The following EFCAB8 variants were observed in gnomAD, a reference collection of about 807,000 sequenced individuals.
EFCAB8 encodes EF-hand calcium-binding domain-containing protein 8.
EFCAB8 carries 100 observed loss-of-function variants against 116.3 expected under a neutral mutation model. The observed-to-expected ratio is 0.86, with a 90% CI of 0.73 to 1.02. The LOEUF is 1.02. Among genes scored for constraint, EFCAB8 ranks in the 50% least tolerant of loss-of-function variants. The probability of loss-of-function intolerance (pLI) is 0.00; values close to 1 mark genes in which losing one functional copy is unlikely to be tolerated. For synonymous variants in EFCAB8, 558 were observed against 567.9 expected (o/e 0.98, Z 0.25); for missense variants, 1,320 against 1,416.9 (o/e 0.93, Z 1.10).
intron 20 of EFCAB8, among the ~76,000 whole-genome samples, chr20:32,929,625 A>C (rs993936980): frequency 6.6e-6 from 1 of 151,298 alleles, no homozygotes; most frequent in East Asian, 1.9e-4. Context: ...TACAGGTATG[A>C]GCCACCATGA....
intron 15 of EFCAB8, among the ~76,000 whole-genome samples, chr20:32,911,208 A>G (rs958092578): frequency 6.6e-6 from 1 of 152,026 alleles, no homozygotes; most frequent in Non-Finnish European, 1.5e-5. Flanking sequence ...TCTTTTCCAT[A>G]TAGGGATTAT....
At chr20:32,946,555 A>AT (rs1051340480) in intron 23 of EFCAB8, among the ~76,000 whole-genome samples, 3 of 152,114 alleles carry the variant, frequency 2.0e-5, no homozygotes, top group Admixed American at 6.5e-5. Flanking sequence ...GATGTCACCC[A>AT]TTTTTTTGTA....
At chr20:32,920,015 C>G in intron 19 of EFCAB8, 63 bp from the exon 20 acceptor site, 3 of 1,549,372 alleles carry the variant, frequency 1.9e-6, no homozygotes, top group Non-Finnish European at 2.6e-6. Context: ...CCTCTGGTCT[C>G]TGGTCCCCTA....
At chr20:32,918,317 C>G in intron 18 of EFCAB8, 45 bp from the exon 19 acceptor site, 3 of 1,541,054 alleles carry the variant, frequency 1.9e-6, no homozygotes, top group Non-Finnish European at 2.6e-6. Context: ...GAATTTACCT[C>G]TACGACATTG....
chr20:32,923,315 G>A (rs1392322890), intron 20 of EFCAB8, among the ~76,000 whole-genome samples: 3 of 152,084 alleles, frequency 2.0e-5, no homozygotes, highest in East Asian at 1.9e-4. Context: ...GTGAAACCCC[G>A]TCTCTACTAA....
intron 15 of EFCAB8, among the ~76,000 whole-genome samples, chr20:32,910,739 T>C (rs1458630087): frequency 3.6e-5 from 2 of 54,806 alleles, no homozygotes; most frequent in East Asian, 2.5e-4. Flanking sequence ...CACTTGCTAC[T>C]TTTTTTTTTT....
intron 4 of EFCAB8, 48 bp from the exon 5 acceptor site, chr20:32,878,656 G>A (rs987891411): frequency 1.4e-6 from 2 of 1,463,980 alleles, no homozygotes; most frequent in Non-Finnish European, 1.9e-6. Flanking sequence ...TGAAGGCTGA[G>A]ACCATTTTGC....
At chr20:32,912,685 G>A (rs527719746) in intron 16 of EFCAB8, 109 bp from the exon 17 acceptor site, 13 of 696,292 alleles carry the variant, frequency 1.9e-5, no homozygotes, top group Middle Eastern at 2.3e-4. Context: ...GGTGATTTTC[G>A]TCATCCAGAG....
chr20:32,953,437 C>A (rs1988859946), intron 23 of EFCAB8, among the ~76,000 whole-genome samples: 1 of 152,172 alleles, frequency 6.6e-6, no homozygotes, highest in African/African-American at 2.4e-5. Flanking sequence ...ATTTTATAAT[C>A]CCACCAAACA....
At chr20:32,894,498 G>A (rs143441798) in intron 9 of EFCAB8, among the ~76,000 whole-genome samples, 1 of 152,352 alleles carries the variant, frequency 6.6e-6, no homozygotes, top group Non-Finnish European at 1.5e-5. Flanking sequence ...CATGGTGAAT[G>A]GGATATTGAG....
At chr20:32,925,990 C>G (rs1254666553) in intron 20 of EFCAB8, among the ~76,000 whole-genome samples, 1 of 152,210 alleles carries the variant, frequency 6.6e-6, no homozygotes, top group African/African-American at 2.4e-5. Context: ...TCTGTCCTGC[C>G]TAGGGCCACC....
chr20:32,939,173 T>C (rs1407473340), intron 22 of EFCAB8, among the ~76,000 whole-genome samples: 7 of 106,032 alleles, frequency 6.6e-5, no homozygotes, highest in Non-Finnish European at 1.0e-4. Context: ...CTTTCTTTCT[T>C]TCTTTCTTTC....
chr20:32,875,888 T>A (rs375213060), intron 3 of EFCAB8, 38 bp from the exon 4 acceptor site: 2 of 1,535,734 alleles, frequency 1.3e-6, no homozygotes, highest in East Asian at 4.9e-5. Flanking sequence ...GAGGGACTTG[T>A]GAGGAAGGGG....
At position 32,898,729 on chromosome 20, in the gene EFCAB8, TCTGGG is replaced by T. The variant is rs1986285155; in HGVS notation, c.1088+107_1088+111del. ...GGCAGATGGTGGTTGGTGTATGGAC[TCTGGG>T]GTTTAGTTTTTCCAGCATTGCCAGC... On this transcript the variant is annotated intron_variant, in intron 11 of 26. Coordinates refer to ENST00000400522, the MANE Select transcript of EFCAB8 (RefSeq NM_001143967.2). 6 of 636,646 alleles carry T rather than the reference TCTGGG, an allele frequency of 9.4e-6. No homozygotes were observed. In the South Asian group the frequency reaches 1.1e-4, roughly 11 times the overall value. The allele number at this position is 636,646 out of a possible 1,614,324, so 39.4% of individuals were successfully genotyped here.
chr20:32,951,727 T>C (rs1337798508), intron 23 of EFCAB8, among the ~76,000 whole-genome samples: 1 of 152,236 alleles, frequency 6.6e-6, no homozygotes, highest in Non-Finnish European at 1.5e-5. Context: ...TGATTTTAAT[T>C]TGCATTCCTC....
intron 23 of EFCAB8, among the ~76,000 whole-genome samples, chr20:32,953,832 T>C (rs1326210546): frequency 6.6e-6 from 1 of 152,174 alleles, no homozygotes; most frequent in Non-Finnish European, 1.5e-5. Flanking sequence ...TGTTTTGAAA[T>C]GGAGGTTTGC....
Position 32,918,378 on chromosome 20 carries a change from A to G in EFCAB8, c.2078A>G (p.Asn693Ser). The change falls in exon 19 of 27, where the codon AAC (asparagine) becomes AGC (serine). Residue 693 changes from asparagine (N) to serine (S), a missense_variant. Physicochemically the swap from Asn to Ser is conservative, Grantham distance 46. Coordinates refer to ENST00000400522, the MANE Select transcript of EFCAB8 (RefSeq NM_001143967.2). ...LQPKRVQDVN[N>S]CLAESHRPSR... ...TTGGTACAGGTGCAAGATGTGAACA[A>G]CTGCCTGGCTGAGAGCCACAGGCCC... The G allele has an allele frequency of 2.6e-6, 4 of 1,551,712 alleles. No individual in the cohort carries two copies. The highest frequency in any genetic ancestry group is 1.2e-5 in the South Asian group (1 of 84,066).
intron 5 of EFCAB8, among the ~76,000 whole-genome samples, chr20:32,879,845 A>G (rs944373289): frequency 6.6e-6 from 1 of 152,202 alleles, no homozygotes; most frequent in African/African-American, 2.4e-5. Flanking sequence ...TAACAGACTC[A>G]GTATGCTGCG....
chr20:32,911,414 G>A lies in EFCAB8; in HGVS notation c.1558-66G>A, dbSNP rs1358691292. On this transcript the variant is annotated intron_variant, in intron 15 of 26. Transcript: ENST00000400522. ...TGGAGGGGAGGGGCCAAGGCAGGCT[G>A]GAGACCACCCTTGGGAGTGGAGGCC... 4 of 1,374,056 alleles carry A rather than the reference G, an allele frequency of 2.9e-6. No homozygotes were observed. The African/African-American group carries it at 5.9e-5, about 20-fold the overall frequency. 85.1% of individuals were successfully genotyped at this position (1,374,056 alleles called of 1,614,324 possible). A position where few individuals can be genotyped will look rare whatever the true frequency, so the allele number is the denominator to read the frequency against.
Sources: gnomAD v4.1 joint callset for allele counts (sites outside exome capture counted in the v4.1 genomes callset) on GRCh38, gnomAD v4.1.1 for gene constraint, MANE v1.5 for transcripts, NCBI Gene and HGNC (gene_info 2026-07-23, HGNC 2026-07-21) for gene names.